FRMD5: variants seen among roughly 807,000 people sequenced by gnomAD.
FRMD5 encodes the protein FERM domain-containing protein 5.
A neutral mutation model predicts 69.0 loss-of-function variants in FRMD5; 20 were observed. The ratio of observed to expected loss-of-function variants is 0.29; its 90% CI spans 0.20 to 0.42. FRMD5 has a LOEUF of 0.42. FRMD5 is among the 10% of genes least tolerant of loss of function. The pLI is 1.00. For missense variants in FRMD5, 595 were observed against 708.6 expected, an observed-to-expected ratio of 0.84 and a Z score of 1.82; for synonymous variants, 271 against 260.1, an observed-to-expected ratio of 1.04 and a Z score of -0.40.
At chr15:44,170,699 T>G (rs1254473024) in intron 1 of FRMD5, among the ~76,000 whole-genome samples, 4 of 152,178 alleles carry the variant, frequency 2.6e-5, no homozygotes, top group Admixed American at 2.6e-4. Flanking sequence ...GCTGAGTCTC[T>G]GAACCCTGCC....
chr15:44,011,889 C>G (rs765975076), intron 1 of FRMD5, among the ~76,000 whole-genome samples: 5 of 152,008 alleles, frequency 3.3e-5, no homozygotes, highest in Non-Finnish European at 5.9e-5. Context: ...AAAATGCCAG[C>G]GAGACATCGA....
chr15:43,992,755 G>A (rs1889746623), intron 1 of FRMD5, among the ~76,000 whole-genome samples: 1 of 152,120 alleles, frequency 6.6e-6, no homozygotes, highest in Admixed American at 6.5e-5. Context: ...CCTCTGCCCA[G>A]GCTGGAGTAC....
chr15:44,083,576 T>C (rs1894076948), intron 1 of FRMD5, among the ~76,000 whole-genome samples: 1 of 152,042 alleles, frequency 6.6e-6, no homozygotes, highest in South Asian at 2.1e-4. Flanking sequence ...TTTTATTTCA[T>C]TGTTCTTGAA....
intron 1 of FRMD5, among the ~76,000 whole-genome samples, chr15:43,976,877 C>G (rs1317564098): frequency 6.6e-6 from 1 of 151,690 alleles, no homozygotes; most frequent in African/African-American, 2.4e-5. Flanking sequence ...TGTTGCCAGG[C>G]TGGAGTGCAG....
chr15:43,930,088 C>T (rs1337580653), intron 1 of FRMD5, among the ~76,000 whole-genome samples: 3 of 152,222 alleles, frequency 2.0e-5, no homozygotes, highest in African/African-American at 7.2e-5. Flanking sequence ...GTGTGGGGCA[C>T]AAGTGCTAAC....
chr15:43,932,623 A>G (rs966681546), intron 1 of FRMD5, among the ~76,000 whole-genome samples: 1 of 152,220 alleles, frequency 6.6e-6, no homozygotes, highest in Non-Finnish European at 1.5e-5. Flanking sequence ...TAAAAAGAAA[A>G]AAAGCATTTG....
chr15:44,143,649 G>C (rs536360573), intron 1 of FRMD5, among the ~76,000 whole-genome samples: 2 of 150,770 alleles, frequency 1.3e-5, no homozygotes, highest in African/African-American at 4.9e-5. Context: ...CTTTCGGCTG[G>C]GCGCGATGGC....
At chr15:43,950,019 C>G (rs1447941394) in intron 1 of FRMD5, among the ~76,000 whole-genome samples, 1 of 152,212 alleles carries the variant, frequency 6.6e-6, no homozygotes, top group African/African-American at 2.4e-5. Context: ...ACAATTATGC[C>G]TCAGTTTCTT....
chr15:44,046,529 C>T (rs926426093), intron 1 of FRMD5, among the ~76,000 whole-genome samples: 2 of 152,134 alleles, frequency 1.3e-5, no homozygotes, highest in Non-Finnish European at 2.9e-5. Context: ...TACAATGGGC[C>T]ATGCACAAAA....
chr15:44,103,716 T>C (rs78826942), intron 1 of FRMD5, among the ~76,000 whole-genome samples: 5,178 of 152,288 alleles, frequency 0.034, 160 homozygotes, highest in Non-Finnish European at 0.045. Flanking sequence ...TCTTCCCCAG[T>C]CTTGGAAAAC....
At chr15:44,177,299 T>C (rs1297786185) in intron 1 of FRMD5, among the ~76,000 whole-genome samples, 1 of 152,168 alleles carries the variant, frequency 6.6e-6, no homozygotes, top group Non-Finnish European at 1.5e-5. Flanking sequence ...TTATCCATAA[T>C]AGCCAAAAAG....
At chr15:43,902,381 G>T in intron 6 of FRMD5, 119 bp from the exon 7 acceptor site, 1 of 843,452 alleles carries the variant, frequency 1.2e-6, no homozygotes. Flanking sequence ...TCTAGGGTGT[G>T]CTCCCTGCTT....
In FRMD5 at chr15:43,989,951, T is replaced by G. The variant is rs776657759; in HGVS notation, c.103-65642A>C. On this transcript the variant is annotated intron_variant, in intron 1 of 13. Coordinates refer to ENST00000417257, the MANE Select transcript of FRMD5 (RefSeq NM_032892.5). ...CAGATCTTCTCCATGTCGTCCCAGG[T>G]GGTGACAATGTCCTGCTTGATGGGG... 7.1e-6 allele frequency: 8 copies of G among 1,119,478 alleles called. No individual in the cohort carries two copies. The Admixed American group carries it at 1.2e-4, about 17-fold the overall frequency. 69.3% of individuals were successfully genotyped at this position (1,119,478 alleles called of 1,614,324 possible).
intron 1 of FRMD5, chr15:43,989,334 C>A: frequency 1.3e-6 from 1 of 784,476 alleles, no homozygotes; most frequent in South Asian, 1.3e-5. Context: ...CCACATCACA[C>A]TTCATGATGG....
At chr15:43,914,157 T>G (rs2089341148) in intron 4 of FRMD5, among the ~76,000 whole-genome samples, 2 of 152,296 alleles carry the variant, frequency 1.3e-5, no homozygotes, top group Admixed American at 6.5e-5. Flanking sequence ...GGTATTGGCT[T>G]TGGCATAATG....
At chr15:44,144,798 A>G (rs1161993724) in intron 1 of FRMD5, among the ~76,000 whole-genome samples, 2 of 152,212 alleles carry the variant, frequency 1.3e-5, no homozygotes, top group Admixed American at 1.3e-4. Flanking sequence ...CAACGGAGTG[A>G]GTCAAGTCCT....
chr15:43,904,736 G>T (rs1044619457), intron 6 of FRMD5, among the ~76,000 whole-genome samples: 1 of 152,108 alleles, frequency 6.6e-6, no homozygotes, highest in African/African-American at 2.4e-5. Context: ...AATCTGTGCC[G>T]TAACCAAATG....
intron 10 of FRMD5, among the ~76,000 whole-genome samples, chr15:43,887,455 A>G (rs928997281): frequency 6.6e-6 from 1 of 152,256 alleles, no homozygotes; most frequent in Non-Finnish European, 1.5e-5. Context: ...TGACCATGCC[A>G]AAGTCTCCCG....
chr15:43,930,342 G>C (rs1001540512), intron 1 of FRMD5, among the ~76,000 whole-genome samples: 1 of 152,232 alleles, frequency 6.6e-6, no homozygotes, highest in Non-Finnish European at 1.5e-5. Context: ...ACTCTCTTGA[G>C]TAGCAGGTCA....
Sources: gnomAD v4.1 joint callset for allele counts (sites outside exome capture counted in the v4.1 genomes callset) on GRCh38, gnomAD v4.1.1 for gene constraint, MANE v1.5 for transcripts, NCBI Gene and HGNC (gene_info 2026-07-23, HGNC 2026-07-21) for gene names.